The following BTBD3 variants were observed in gnomAD, a reference collection of about 807,000 sequenced individuals.
BTBD3 encodes the protein BTB/POZ domain-containing protein 3.
A neutral mutation model predicts 41.6 loss-of-function variants in BTBD3; 14 were observed. That is an observed-to-expected ratio of 0.34 (90% CI 0.22 to 0.53). The LOEUF (loss-of-function observed/expected upper bound fraction) is 0.53. BTBD3 is among the 20% of genes least tolerant of loss of function. BTBD3 has a pLI of 0.95. For missense variants in BTBD3, 426 were observed against 654.7 expected (o/e 0.65, Z 3.81); for synonymous variants, 249 against 233.7 (o/e 1.07, Z -0.60).
chr20:11,926,334 T>G lies in BTBD3; in HGVS notation c.*2668T>G, dbSNP rs1207047098. 6.5e-6 allele frequency: 1 copy of G among 152,674 alleles called. No homozygotes were observed. The highest frequency in any genetic ancestry group is 1.5e-5 in the Non-Finnish European group (1 of 68,038). 9.5% of individuals were successfully genotyped at this position (152,674 alleles called of 1,614,324 possible). A position where few individuals can be genotyped will look rare whatever the true frequency, so the allele number is the denominator to read the frequency against. On this transcript the variant is annotated 3_prime_UTR_variant, in exon 4 of 4. Transcript: ENST00000378226. ...TAGTATTTAAGTAAATGGTCTAATT[T>G]CTACATAATTATTGCACTGAACTTT...
intron 1 of BTBD3, among the ~76,000 whole-genome samples, chr20:11,895,007 A>G (rs1342603258): frequency 6.6e-5 from 10 of 152,222 alleles, no homozygotes; most frequent in East Asian, 1.9e-4. Context: ...ATTTAATTCT[A>G]TAATTGTACA....
chr20:11,897,864 C>T (rs1240619647), intron 1 of BTBD3, among the ~76,000 whole-genome samples: 1 of 152,148 alleles, frequency 6.6e-6, no homozygotes, highest in African/African-American at 2.4e-5. Context: ...TTCATAAAAC[C>T]TTACATGATC....
chr20:11,918,142 T>C lies in BTBD3; in HGVS notation c.-134T>C, dbSNP rs887274267. On this transcript the variant is annotated 5_prime_UTR_variant, in exon 1 of 4. Transcript: ENST00000378226. ...TATTCAACATAGTGAAAAGGTCACC[T>C]TGCCTGGCTGAGAAAAGCAGCAAAA... is the stretch of plus-strand genomic sequence containing the variant. 1.3e-6 allele frequency: 2 copies of C among 1,482,970 alleles called. No individual in the cohort carries two copies. The highest frequency in any genetic ancestry group is 2.9e-5 in the South Asian group (2 of 68,328). The allele number at this position is 1,482,970 out of a possible 1,614,324, so 91.9% of individuals were successfully genotyped here.
At chr20:11,891,594 C>G (rs1193375553) in intron 1 of BTBD3, 3 of 152,248 alleles carry the variant, frequency 2.0e-5, no homozygotes, top group Non-Finnish European at 2.9e-5. Context: ...CCTCCGAGTT[C>G]TGAGTGGCAT....
rs1277773872 is a variant in BTBD3 at position 11,925,146 on chromosome 20, C to T, written c.*1480C>T. On this transcript the variant is annotated 3_prime_UTR_variant, in exon 4 of 4. Coordinates refer to ENST00000378226, the MANE Select transcript of BTBD3 (RefSeq NM_014962.4). The stretch of plus-strand genomic sequence containing the variant: ...TGTGGTCCTTGGCCGCCTCCTGCTC[C>T]TGCTCTGCAAGCCTGAAACTGGCTT... The T allele has an allele frequency of 6.5e-6, 1 of 152,816 alleles. No homozygotes were observed. The highest frequency in any genetic ancestry group is 1.9e-4 in the East Asian group (1 of 5,194). 9.5% of individuals were successfully genotyped at this position (152,816 alleles called of 1,614,324 possible).
Position 11,925,008 on chromosome 20 carries a change from TGTGTCCCTGGCA to T in BTBD3, c.*1349_*1360del, listed in dbSNP as rs1479169019. ...TGCTGGCTTGTGCTGGTTTAGTGCC[TGTGTCCCTGGCA>T]GTGTCCAGTGTGTTCACTTCCAGTT... On this transcript the variant is annotated 3_prime_UTR_variant, in exon 4 of 4. Coordinates refer to ENST00000378226, the MANE Select transcript of BTBD3 (RefSeq NM_014962.4). 6.5e-6 allele frequency: 1 copy of T among 152,706 alleles called. No homozygotes were observed. Among genetic ancestry groups the T allele is most frequent in the African/African-American group, 2.4e-5 (1 of 41,462 alleles). 9.5% of individuals were successfully genotyped at this position (152,706 alleles called of 1,614,324 possible).
upstream of BTBD3, among the ~76,000 whole-genome samples, chr20:11,914,861 G>A (rs1017880603): frequency 6.6e-6 from 1 of 152,124 alleles, no homozygotes; most frequent in Non-Finnish European, 1.5e-5. Context: ...ATGCCTGTAT[G>A]TGTGTTTATG....
Position 11,908,321 on chromosome 20 carries a change from G to GTTTTTTTTTTTTT in BTBD3, c.-125-10007_-125-9995dup, listed in dbSNP as rs3834758. Among the ~76,000 whole-genome samples, 16 of 77,070 alleles carry GTTTTTTTTTTTTT rather than the reference G, an allele frequency of 2.1e-4. 3 individuals carry two copies. The highest frequency in any genetic ancestry group is 4.4e-4 in the African/African-American group (9 of 20,610). The allele number at this position is 77,070 out of a possible 152,430, so 50.6% of individuals were successfully genotyped here. On this transcript the variant is annotated intron_variant, in intron 1 of 4. Transcript: ENST00000254977. ...ATGGTGGAGTGGTTGCTTCTCTGTG[G>GTTTTTTTTTTTTT]TTTTTTTTTTTTTTTTTTAAATAAG...
chr20:11,920,457 CAGA>C (rs2056961004), intron 3 of BTBD3, among the ~76,000 whole-genome samples: 2 of 152,242 alleles, frequency 1.3e-5, no homozygotes, highest in East Asian at 1.9e-4. Context: ...TGGATTTATA[CAGA>C]AGAACTTTCA....
exon 1 of BTBD3, chr20:11,890,846 G>A: frequency 1.0e-6 from 1 of 985,270 alleles, no homozygotes; most frequent in Admixed American, 6.1e-5. Context: ...GGTGCCCGCC[G>A]AGCCCGCCGG....
chr20:11,898,383 G>C (rs2056802699), intron 1 of BTBD3, among the ~76,000 whole-genome samples: 1 of 152,010 alleles, frequency 6.6e-6, no homozygotes. Flanking sequence ...ACCTCTTTCA[G>C]GTCTTCACTA....
In BTBD3 at chr20:11,926,247, T is replaced by G. The variant is rs566651782; in HGVS notation, c.*2581T>G. 1 of 152,790 alleles carries G rather than the reference T, an allele frequency of 6.5e-6. No individual in the cohort carries two copies. Among genetic ancestry groups the G allele is most frequent in the African/African-American group, 2.4e-5 (1 of 41,582 alleles). The allele number at this position is 152,790 out of a possible 1,614,324, so 9.5% of individuals were successfully genotyped here. On this transcript the variant is annotated 3_prime_UTR_variant, in exon 4 of 4. Coordinates refer to ENST00000378226, the MANE Select transcript of BTBD3 (RefSeq NM_014962.4). ...TGGCAGTCTTTGTCGTTGTTCATTCTGGGGATAAAGGGGAACTAGGCTAGC... is the reference window on the plus strand; with the variant it reads ...TGGCAGTCTTTGTCGTTGTTCATTCGGGGGATAAAGGGGAACTAGGCTAGC...
intron 1 of BTBD3, among the ~76,000 whole-genome samples, chr20:11,911,487 T>G (rs1201919359): frequency 2.0e-5 from 3 of 152,186 alleles, no homozygotes; most frequent in Non-Finnish European, 2.9e-5. Context: ...TCTAACCTTT[T>G]GGCTTCCCTG....
chr20:11,891,068 G>T, intron 1 of BTBD3: 1 of 734,612 alleles, frequency 1.4e-6, no homozygotes. Context: ...AGCGAAGCGA[G>T]GAGAGGCCGG....
At chr20:11,899,801 C>T (rs1160275252) in intron 1 of BTBD3, among the ~76,000 whole-genome samples, 1 of 151,934 alleles carries the variant, frequency 6.6e-6, no homozygotes, top group African/African-American at 2.4e-5. Context: ...TTTACTGTTG[C>T]AATTTACTGT....
chr20:11,903,971 G>T (rs1299470495), intron 1 of BTBD3, among the ~76,000 whole-genome samples: 2 of 152,144 alleles, frequency 1.3e-5, no homozygotes, highest in Non-Finnish European at 2.9e-5. Flanking sequence ...ATATATTTTG[G>T]AGTGAATGGT....
chr20:11,923,710 G>C lies in BTBD3; in HGVS notation c.*44G>C, dbSNP rs1163015517. On this transcript the variant is annotated 3_prime_UTR_variant, in exon 4 of 4. Coordinates refer to ENST00000378226, the MANE Select transcript of BTBD3 (RefSeq NM_014962.4). This position sits in a 1 kb window ranked among gnomAD's most constrained non-coding sequence, Gnocchi z 5.3. ...AGCTTGAGCTCCAAAGTGCACATCT[G>C]GTTCCAACTTGCCTGATGCTTAGCT... 2 of 1,533,644 alleles carry C rather than the reference G, an allele frequency of 1.3e-6. No homozygotes were observed. The highest frequency in any genetic ancestry group is 3.9e-5 in the Admixed American group (2 of 51,766).
At chr20:11,896,287 T>C (rs1268267571) in intron 1 of BTBD3, among the ~76,000 whole-genome samples, 2 of 152,220 alleles carry the variant, frequency 1.3e-5, no homozygotes, top group Non-Finnish European at 2.9e-5. Context: ...TGATGGGCTC[T>C]TCAAATTGGC....
chr20:11,897,222 C>T (rs756709001), intron 1 of BTBD3, among the ~76,000 whole-genome samples: 20 of 152,126 alleles, frequency 1.3e-4, no homozygotes, highest in South Asian at 6.2e-4. Flanking sequence ...TGTGTAGCTA[C>T]TTAAGACTCC....
Sources: gnomAD v4.1 joint callset for allele counts (sites outside exome capture counted in the v4.1 genomes callset) on GRCh38, gnomAD v4.1.1 for gene constraint, Gnocchi (gnomAD v3.1) non-coding constraint, MANE v1.5 for transcripts, NCBI Gene and HGNC (gene_info 2026-07-23, HGNC 2026-07-21) for gene names.